CMYA5: variants seen among roughly 807,000 people sequenced by gnomAD.
CMYA5 encodes the protein cardiomyopathy associated 5.
CMYA5 carries 246 observed loss-of-function variants against 318.9 expected under a neutral mutation model. The observed-to-expected ratio is 0.77, with a 90% CI of 0.70 to 0.86. The LOEUF is 0.86. Among genes scored for constraint, CMYA5 ranks in the 40% least tolerant of loss-of-function variants. The pLI, the probability that CMYA5 is intolerant of heterozygous loss-of-function variation, is 0.00. For missense variants in CMYA5, 4,589 were observed against 4,678.2 expected, an observed-to-expected ratio of 0.98 and a Z score of 0.56; for synonymous variants, 1,641 against 1,729.5, an observed-to-expected ratio of 0.95 and a Z score of 1.27.
chr5:79,745,090 G>A, intron 3 of CMYA5, 132 bp from the exon 4 acceptor site: 1 of 632,956 alleles, frequency 1.6e-6, no homozygotes, highest in Non-Finnish European at 2.8e-6. Context: ...TTTGAACTGT[G>A]CATGTGATGT....
chr5:79,693,857 T>C (rs1332721416), intron 1 of CMYA5, among the ~76,000 whole-genome samples: 1 of 152,128 alleles, frequency 6.6e-6, no homozygotes, highest in Non-Finnish European at 1.5e-5. Context: ...ATAAAACATA[T>C]AGTATGTCAA....
chr5:79,755,943 T>C (rs1263472234), intron 6 of CMYA5, among the ~76,000 whole-genome samples: 1 of 152,138 alleles, frequency 6.6e-6, no homozygotes, highest in Non-Finnish European at 1.5e-5. Flanking sequence ...ATGTGAAAGA[T>C]GTTTTCATTT....
chr5:79,798,121 G>A (rs1411966642), intron 12 of CMYA5, among the ~76,000 whole-genome samples: 1 of 151,984 alleles, frequency 6.6e-6, no homozygotes, highest in African/African-American at 2.4e-5. Flanking sequence ...CCCCACCACC[G>A]TGAACCTCTG....
intron 1 of CMYA5, among the ~76,000 whole-genome samples, chr5:79,711,734 A>G (rs534662115): frequency 1.3e-5 from 2 of 152,342 alleles, no homozygotes; most frequent in African/African-American, 2.4e-5. Context: ...TAATGGCGCT[A>G]ATAAGTTATC....
chr5:79,691,057 A>G (rs1826962159), intron 1 of CMYA5, among the ~76,000 whole-genome samples: 1 of 152,164 alleles, frequency 6.6e-6, no homozygotes, highest in Non-Finnish European at 1.5e-5. Flanking sequence ...CTTGTGGAAA[A>G]AGTTTCCCTA....
intron 6 of CMYA5, 107 bp downstream of exon 6, chr5:79,752,901 A>C: frequency 1.4e-6 from 1 of 715,924 alleles, no homozygotes; most frequent in Non-Finnish European, 2.3e-6. Flanking sequence ...AAGACATGTA[A>C]CTGGAAAAAG....
chr5:79,757,967 C>T (rs566168465), intron 6 of CMYA5, among the ~76,000 whole-genome samples: 1 of 152,204 alleles, frequency 6.6e-6, no homozygotes, highest in Non-Finnish European at 1.5e-5. Context: ...CGGTGGCTCA[C>T]GCCTGTAATC....
At position 79,737,714 on chromosome 5, in the gene CMYA5, A is replaced by G. The variant is rs1828110568; in HGVS notation, c.8949A>G (p.Lys2983=). The G allele has an allele frequency of 6.2e-7, 1 of 1,612,016 alleles. No individual in the cohort carries two copies. The highest frequency in any genetic ancestry group is 8.5e-7 in the Non-Finnish European group (1 of 1,179,398). ...MQDKLEYLEE[K]ASFKTIPLPD... The stretch of plus-strand genomic sequence containing the variant: ...ATAAATTAGAATATTTGGAAGAGAA[A>G]GCCTCATTTAAAACCATACCACTCC... Residue 2983 remains lysine, a synonymous_variant, in exon 2 of 13, where the codon AAA becomes AAG. Transcript: ENST00000446378.
chr5:79,701,279 C>G (rs750461591), intron 1 of CMYA5, among the ~76,000 whole-genome samples: 3 of 151,798 alleles, frequency 2.0e-5, no homozygotes, highest in Non-Finnish European at 4.4e-5. Flanking sequence ...ACAAATAATA[C>G]CTGGTGTTTG....
intron 6 of CMYA5, among the ~76,000 whole-genome samples, chr5:79,753,091 T>C (rs1307680898): frequency 6.6e-6 from 1 of 151,960 alleles, no homozygotes; most frequent in East Asian, 1.9e-4. Context: ...AAATAGGATT[T>C]CTCTCCCTCT....
Position 79,738,182 on chromosome 5 carries a change from T to C in CMYA5, c.9417T>C (p.Asn3139=). The change falls in exon 2 of 13, where the codon AAT becomes AAC. Residue 3139 remains asparagine (N), a synonymous_variant. Coordinates refer to ENST00000446378, the MANE Select transcript of CMYA5 (RefSeq NM_153610.5). ...ETQSQNSADR[N]VSKDTKRDVD... is the part of the protein sequence containing the mutation. ...AAAGCCAAAACTCAGCTGACAGGAA[T>C]GTTTCAAAGGACACAAAGAGAGATG... 6.2e-7 allele frequency: 1 copy of C among 1,613,888 alleles called. No homozygotes were observed. Among genetic ancestry groups the C allele is most frequent in the African/African-American group, 1.3e-5 (1 of 75,038 alleles).
chr5:79,690,007 G>A lies in CMYA5; in HGVS notation c.100G>A (p.Gly34Ser), dbSNP rs1211931518. Residue 34 changes from glycine to serine, a missense_variant, in exon 1 of 13, where the codon GGC becomes AGC. By Grantham distance (56) the Gly-to-Ser change is moderately conservative (BLOSUM62 0). Around this residue, in one of 3 missense-constraint regions of CMYA5, gnomAD observed 2,132 missense variants for 2,131.3 expected, o/e 1.00. Transcript: ENST00000446378. ...GCTGGAGACCGAGGAGGAGTCGGAG[G>A]GCGAGGAGGACGAGACGGCGGCGGA... ...RELETEEESE[G>S]EEDETAAESE... 1.7e-5 allele frequency: 25 copies of A among 1,480,304 alleles called. No individual in the cohort carries two copies. The highest frequency in any genetic ancestry group is 1.1e-4 in the Admixed American group (5 of 46,054). 91.7% of individuals were successfully genotyped at this position (1,480,304 alleles called of 1,614,324 possible).
chr5:79,787,293 A>G (rs910097457), intron 9 of CMYA5, among the ~76,000 whole-genome samples: 2 of 152,138 alleles, frequency 1.3e-5, no homozygotes, highest in Admixed American at 1.3e-4. Context: ...TGATCAATAC[A>G]TATTTATTTA....
intron 6 of CMYA5, 58 bp from the exon 7 acceptor site, chr5:79,758,695 G>A (rs7729524): frequency 8.4e-6 from 12 of 1,434,808 alleles, no homozygotes; most frequent in South Asian, 1.5e-5. Flanking sequence ...TAAGTAACTT[G>A]TGCCCAAAAA....
At chr5:79,778,172 T>A (rs1451981990) in intron 9 of CMYA5, 1 of 152,170 alleles carries the variant, frequency 6.6e-6, no homozygotes, top group Non-Finnish European at 1.5e-5. Context: ...TTGAGAGGCA[T>A]TGAAGTTGTT....
rs978934795 is a variant in CMYA5, at chr5:79,732,330, G to C, written c.3565G>C (p.Ala1189Pro). ...AIKKEQEPTAALTLKAADEQM... is the reference protein window; with the variant it reads ...AIKKEQEPTAPLTLKAADEQM... ...CAAGAAAGAACAGGAACCCACAGCA[G>C]CACTCACTCTAAAAGCTGCAGATGA... The change falls in exon 2 of 13, where the codon GCA becomes CCA. Residue 1189 changes from alanine to proline, a missense_variant. Ala to Pro is a conservative substitution (Grantham distance 27). Transcript: ENST00000446378. 1.2e-6 allele frequency: 2 copies of C among 1,613,640 alleles called. No homozygotes were observed. The highest frequency in any genetic ancestry group is 2.7e-5 in the African/African-American group (2 of 74,914).
At chr5:79,750,362 T>C (rs7701511) in intron 5 of CMYA5, among the ~76,000 whole-genome samples, 11,970 of 152,082 alleles carry the variant, frequency 0.079, 1,037 homozygotes, top group African/African-American at 0.23. Flanking sequence ...GTATATAATA[T>C]GTATACAAAA....
At chr5:79,717,359 AC>A (rs1348599956) in intron 1 of CMYA5, among the ~76,000 whole-genome samples, 1 of 152,240 alleles carries the variant, frequency 6.6e-6, no homozygotes, top group African/African-American at 2.4e-5. Flanking sequence ...CAGAAAGTTT[AC>A]AGTCTTATAA....
rs73125675 is a variant in CMYA5 at position 79,778,684 on chromosome 5, A to C, written c.11556-10287A>C. On this transcript the variant is annotated intron_variant, in intron 9 of 12. Coordinates refer to ENST00000446378, the MANE Select transcript of CMYA5 (RefSeq NM_153610.5). ...TTAAGAGATAAGTTTCAAATCTTTA[A>C]AAATTTTTTACCGTGCATATTTTTT... 2.6e-3 allele frequency among the ~76,000 whole-genome samples: 393 copies of C among 151,626 alleles called. 3 individuals are homozygous for C. Among genetic ancestry groups the C allele is most frequent in the African/African-American group, 9.3e-3 (384 of 41,368 alleles).
Sources: gnomAD v4.1 joint callset for allele counts (sites outside exome capture counted in the v4.1 genomes callset) on GRCh38, gnomAD v4.1.1 for gene constraint, gnomAD v4.1.1 regional missense constraint, MANE v1.5 for transcripts, NCBI Gene and HGNC (gene_info 2026-07-23, HGNC 2026-07-21) for gene names.